The following CCDC15 variants were observed in gnomAD, a reference collection of about 807,000 sequenced individuals.
CCDC15 encodes coiled-coil domain containing 15.
CCDC15 carries 105 observed loss-of-function variants against 114.5 expected under a neutral mutation model. That is an observed-to-expected ratio of 0.92 (90% CI 0.78 to 1.08). The LOEUF (loss-of-function observed/expected upper bound fraction) is 1.08. Ranked by LOEUF, CCDC15 falls within the 50% of genes least tolerant of loss-of-function variation. The pLI is 0.00. For synonymous variants in CCDC15, 334 were observed against 377.8 expected, an observed-to-expected ratio of 0.88 and a Z score of 1.34; for missense variants, 1,105 against 1,093.6, an observed-to-expected ratio of 1.01 and a Z score of -0.15.
chr11:125,024,870 C>G (rs1326113632), intron 13 of CCDC15, among the ~76,000 whole-genome samples: 1 of 151,460 alleles, frequency 6.6e-6, no homozygotes, highest in Admixed American at 6.6e-5. Flanking sequence ...GCATTTAGTT[C>G]TTTGCCATTA....
rs1947628108 is a variant in CCDC15 at position 124,959,899 on chromosome 11, A to C, written c.412A>C (p.Asn138His). ...KRTSVFPNNL[N>H]VAIGSSRLPP... ...GACAAGTGTTTTTCCAAACAATTTG[A>C]ATGTTGCTATTGGAAGTTCTAGGTT... Residue 138 changes from asparagine to histidine, a missense_variant, in exon 4 of 16, where the codon AAT (asparagine) becomes CAT (histidine). Coordinates refer to ENST00000344762, the MANE Select transcript of CCDC15 (RefSeq NM_025004.3). The C allele has an allele frequency of 3.8e-6, 6 of 1,592,474 alleles. No individual in the cohort carries two copies. The highest frequency in any genetic ancestry group is 5.1e-6 in the Non-Finnish European group (6 of 1,168,034).
chr11:124,954,833 A>G lies in CCDC15; in HGVS notation c.101A>G (p.Glu34Gly). ...AAGGACGTGTTGGCAGTGCTGGCTG[A>G]GAGGAACGAGGCTATAGTACCAGTT... The part of the protein sequence containing the change: ...KSKDVLAVLA[E>G]RNEAIVPVGA... Residue 34 changes from glutamate (E) to glycine (G), a missense_variant, in exon 2 of 16, where the codon GAG (glutamate) becomes GGG (glycine). Transcript: ENST00000344762. The G allele has an allele frequency of 1.9e-6, 3 of 1,614,024 alleles. No homozygotes were observed. Among genetic ancestry groups the G allele is most frequent in the Non-Finnish European group, 2.5e-6 (3 of 1,179,884 alleles).
chr11:125,031,755 A>C (rs551341867), intron 13 of CCDC15, among the ~76,000 whole-genome samples: 2 of 152,206 alleles, frequency 1.3e-5, no homozygotes, highest in Non-Finnish European at 2.9e-5. Flanking sequence ...CTGCTGAGTC[A>C]TATGACCCAA....
intron 13 of CCDC15, among the ~76,000 whole-genome samples, chr11:125,016,587 G>A (rs767779807): frequency 3.3e-5 from 5 of 152,136 alleles, no homozygotes; most frequent in East Asian, 1.9e-4. Context: ...TCTTATGATA[G>A]CCTAATCTTT....
chr11:124,985,494 T>C (rs1948142739), intron 6 of CCDC15, among the ~76,000 whole-genome samples: 1 of 152,184 alleles, frequency 6.6e-6, no homozygotes, highest in African/African-American at 2.4e-5. Context: ...CTTATTATTG[T>C]CCTTCTCTTC....
chr11:124,960,744 C>G (rs1346265614), intron 4 of CCDC15, among the ~76,000 whole-genome samples: 1 of 152,114 alleles, frequency 6.6e-6, no homozygotes, highest in Non-Finnish European at 1.5e-5. Context: ...TTCATCCATT[C>G]ACATTGCTTG....
intron 6 of CCDC15, among the ~76,000 whole-genome samples, chr11:124,978,032 T>C (rs1591582948): frequency 6.6e-6 from 1 of 152,200 alleles, no homozygotes; most frequent in African/African-American, 2.4e-5. Context: ...TAGGCCCTGG[T>C]GTCTGTTGTT....
At chr11:125,010,652 C>T (rs558694461) in intron 13 of CCDC15, among the ~76,000 whole-genome samples, 31 of 152,226 alleles carry the variant, frequency 2.0e-4, no homozygotes, top group African/African-American at 7.2e-4. Flanking sequence ...TGAGCTACCA[C>T]GCCTGGCCAA....
In CCDC15 at chr11:125,025,075, A is replaced by AATATATGAAT. The variant is rs1565382084; in HGVS notation, c.2412-13350_2412-13349insGAATATATAT. ...ATATGAATATATATATGAATATATG[A>AATATATGAAT]ATATATATGAATATATATATGAATA... is the stretch of plus-strand genomic sequence containing the variant. On this transcript the variant is annotated intron_variant, in intron 13 of 15. Coordinates refer to ENST00000344762, the MANE Select transcript of CCDC15 (RefSeq NM_025004.3). Among the ~76,000 whole-genome samples, 2 of 57,544 alleles carry AATATATGAAT rather than the reference A, an allele frequency of 3.5e-5. 1 individual carries two copies. Among genetic ancestry groups the AATATATGAAT allele is most frequent in the African/African-American group, 1.3e-4 (2 of 15,054 alleles). The allele number at this position is 57,544 out of a possible 152,430, so 37.8% of individuals were successfully genotyped here.
intron 13 of CCDC15, among the ~76,000 whole-genome samples, chr11:125,016,511 A>C (rs193257652): frequency 1.3e-5 from 2 of 152,290 alleles, no homozygotes; most frequent in Admixed American, 6.5e-5. Flanking sequence ...TAGTATAACA[A>C]TTTCAGCATC....
At chr11:125,010,602 C>A (rs1948583542) in intron 13 of CCDC15, among the ~76,000 whole-genome samples, 1 of 152,120 alleles carries the variant, frequency 6.6e-6, no homozygotes, top group Non-Finnish European at 1.5e-5. Context: ...CTCAGGTGAT[C>A]CACTTGCCTT....
intron 1 of CCDC15, 58 bp downstream of exon 1, chr11:124,954,428 G>A (rs1947512287): frequency 5.2e-6 from 1 of 193,908 alleles, no homozygotes; most frequent in East Asian, 1.3e-4. Flanking sequence ...TTCCCGCCTC[G>A]CTGCGCCCAC....
At chr11:125,003,435 AT>A (rs1222257624) in intron 11 of CCDC15, among the ~76,000 whole-genome samples, 1 of 151,916 alleles carries the variant, frequency 6.6e-6, no homozygotes, top group Non-Finnish European at 1.5e-5. Context: ...ATTCCAGTTG[AT>A]TGATATAATA....
intron 13 of CCDC15, among the ~76,000 whole-genome samples, chr11:125,025,520 T>G (rs565727093): frequency 6.6e-6 from 1 of 152,168 alleles, no homozygotes; most frequent in African/African-American, 2.4e-5. Flanking sequence ...AAATGTTTGG[T>G]AGAATTTGGC....
rs772809168 is a variant in CCDC15 at position 125,040,787 on chromosome 11, G to A, written c.*76G>A. On this transcript the variant is annotated 3_prime_UTR_variant, in exon 16 of 16. Coordinates refer to ENST00000344762, the MANE Select transcript of CCDC15 (RefSeq NM_025004.3). ...CCTGAGAGAGTATTTAAGAAAAGCT[G>A]TTCAAGTTATAAAATATATAATCTG... is the stretch of plus-strand genomic sequence containing the variant. 47 of 1,259,558 alleles carry A rather than the reference G, an allele frequency of 3.7e-5. No individual in the cohort carries two copies. The Admixed American group carries it at 9.1e-4, about 24-fold the overall frequency. The allele number at this position is 1,259,558 out of a possible 1,614,324, so 78.0% of individuals were successfully genotyped here.
intron 6 of CCDC15, 24 bp from the exon 7 acceptor site, chr11:124,986,718 C>CGCGCGGGGGGG: frequency 6.5e-7 from 1 of 1,529,834 alleles, no homozygotes; most frequent in Non-Finnish European, 8.8e-7. Flanking sequence ...CGCGCGTGCG[C>CGCGCGGGGGGG]GTTTTCATTG....
At chr11:125,032,392 T>G (rs1948745825) in intron 13 of CCDC15, among the ~76,000 whole-genome samples, 1 of 152,206 alleles carries the variant, frequency 6.6e-6, no homozygotes, top group South Asian at 2.1e-4. Flanking sequence ...ATGTGTTAAT[T>G]TGCTCAAGCA....
chr11:124,964,228 T>G (rs1020380711), intron 4 of CCDC15, among the ~76,000 whole-genome samples: 1 of 152,208 alleles, frequency 6.6e-6, no homozygotes, highest in Non-Finnish European at 1.5e-5. Context: ...TAAATTACCT[T>G]GGGCAGTATG....
At chr11:125,039,250 G>A in intron 15 of CCDC15, 181 bp downstream of exon 15, 2 of 473,806 alleles carry the variant, frequency 4.2e-6, no homozygotes, top group Non-Finnish European at 7.1e-6. Flanking sequence ...TTCTCTTTGA[G>A]ATCTGTTATC....
Sources: allele counts gnomAD v4.1 joint callset (sites outside exome capture counted in the v4.1 genomes callset), GRCh38; gene constraint gnomAD v4.1.1; transcripts MANE v1.5; gene names NCBI Gene and HGNC (gene_info 2026-07-23, HGNC 2026-07-21).